The following CHN2 variants were observed in gnomAD, a reference collection of about 807,000 sequenced individuals.
CHN2 encodes the protein beta-chimaerin.
In CHN2, 35 loss-of-function variants were observed where a neutral mutation model predicts 56.3. That is an observed-to-expected ratio of 0.62 (90% CI 0.47 to 0.82). The LOEUF (loss-of-function observed/expected upper bound fraction) is 0.82, where lower values mean the gene tolerates loss of function less well. CHN2 is among the 40% of genes least tolerant of loss of function. The probability of loss-of-function intolerance (pLI) is 0.00; values close to 1 mark genes in which losing one functional copy is unlikely to be tolerated. For synonymous variants in CHN2, 210 were observed against 212.8 expected (o/e 0.99, Z 0.12); for missense variants, 491 against 580.5 (o/e 0.85, Z 1.58).
intron 1 of CHN2, among the ~76,000 whole-genome samples, chr7:29,198,580 G>A (rs1783919770): frequency 6.6e-6 from 1 of 152,030 alleles, no homozygotes; most frequent in African/African-American, 2.4e-5. Flanking sequence ...CACCTAGATT[G>A]GCAGGAAGCT....
intron 1 of CHN2, among the ~76,000 whole-genome samples, chr7:29,252,586 T>TTTTTTTTTTTTTTTG: frequency 3.5e-5 from 1 of 28,938 alleles, no homozygotes; most frequent in Non-Finnish European, 5.6e-5. Context: ...TTGTTTTTTT[T>TTTTTTTTTTTTTTTG]TTTTTTTTTT....
chr7:29,266,299 C>T (rs559381467), intron 1 of CHN2, among the ~76,000 whole-genome samples: 1 of 152,118 alleles, frequency 6.6e-6, no homozygotes, highest in Non-Finnish European at 1.5e-5. Flanking sequence ...TTCTTCATTC[C>T]GTCAACACCG....
At chr7:29,330,082 C>T (rs990253402) in intron 1 of CHN2, among the ~76,000 whole-genome samples, 1 of 152,228 alleles carries the variant, frequency 6.6e-6, no homozygotes, top group Non-Finnish European at 1.5e-5. Context: ...CCTACGTCAA[C>T]AGCTGGTCAG....
In CHN2 at chr7:29,169,756, A is replaced by T. The variant is rs529306935; in HGVS notation, c.274+22796A>T. On this transcript the variant is annotated intron_variant, in intron 2 of 6. Transcript: ENST00000439384. ...CCTCCCTTCTGACCACTGTTTGCTC[A>T]GTCAGAGCTGGTGTGCCTATAGACC... 5.2e-4 allele frequency among the ~76,000 whole-genome samples: 79 copies of T among 152,168 alleles called. No individual in the cohort carries two copies. The South Asian group carries it at 0.016, about 31-fold the overall frequency.
chr7:29,190,209 G>A (rs1229281510), upstream of CHN2, among the ~76,000 whole-genome samples: 1 of 152,216 alleles, frequency 6.6e-6, no homozygotes, highest in Non-Finnish European at 1.5e-5. Flanking sequence ...CAGCAAAAGA[G>A]CATTTTGATG....
intron 1 of CHN2, among the ~76,000 whole-genome samples, chr7:29,207,411 G>T (rs1442902019): frequency 6.6e-6 from 1 of 152,048 alleles, no homozygotes; most frequent in Non-Finnish European, 1.5e-5. Flanking sequence ...GGGCTGGTTA[G>T]TTCAGCCTCC....
intron 3 of CHN2, among the ~76,000 whole-genome samples, chr7:29,369,893 C>G (rs1250887831): frequency 6.6e-6 from 1 of 152,186 alleles, no homozygotes; most frequent in East Asian, 1.9e-4. Flanking sequence ...ACCTTTTGAC[C>G]TTACCAATTT....
chr7:29,462,109 A>T (rs76132929), intron 6 of CHN2, among the ~76,000 whole-genome samples: 1,787 of 152,350 alleles, frequency 0.012, 53 homozygotes, highest in Admixed American at 0.064. Flanking sequence ...CAGGAAGCCA[A>T]AATACAAATG....
At chr7:29,385,096 T>G (rs185414256) in intron 3 of CHN2, among the ~76,000 whole-genome samples, 2 of 152,328 alleles carry the variant, frequency 1.3e-5, no homozygotes, top group South Asian at 2.1e-4. Flanking sequence ...TCTGTTCCAT[T>G]TTGTATTCAT....
At chr7:29,378,478 T>C (rs965092615) in intron 3 of CHN2, among the ~76,000 whole-genome samples, 1 of 152,224 alleles carries the variant, frequency 6.6e-6, no homozygotes, top group East Asian at 1.9e-4. Context: ...GAGACTGTTT[T>C]GGTAAATAAA....
At chr7:29,205,560 T>C (rs190899764) in intron 1 of CHN2, among the ~76,000 whole-genome samples, 20 of 152,324 alleles carry the variant, frequency 1.3e-4, no homozygotes, top group African/African-American at 4.6e-4. Flanking sequence ...CACAGGTTCC[T>C]TTCCTGAGTG....
chr7:29,440,884 A>G (rs1228413006), intron 6 of CHN2, among the ~76,000 whole-genome samples: 1 of 152,034 alleles, frequency 6.6e-6, no homozygotes, highest in Non-Finnish European at 1.5e-5. Flanking sequence ...CCATTTTTTG[A>G]CTTGAAAGAT....
chr7:29,343,916 G>T (rs1048390961), intron 1 of CHN2, among the ~76,000 whole-genome samples: 1 of 152,154 alleles, frequency 6.6e-6, no homozygotes, highest in Admixed American at 6.5e-5. Flanking sequence ...CTCAGCCATC[G>T]CTTTCCAGCA....
chr7:29,373,902 C>T (rs898623406), intron 3 of CHN2, among the ~76,000 whole-genome samples: 6 of 152,086 alleles, frequency 3.9e-5, no homozygotes, highest in African/African-American at 1.4e-4. Context: ...CCCTTTTCTT[C>T]TTTTATTTAT....
intron 1 of CHN2, among the ~76,000 whole-genome samples, chr7:29,266,157 C>T (rs3793313): frequency 0.067 from 10,217 of 152,208 alleles, 544 homozygotes; most frequent in East Asian, 0.16. Flanking sequence ...AGTATGAGGG[C>T]GCCAAGAAGA....
intron 7 of CHN2, among the ~76,000 whole-genome samples, chr7:29,494,550 G>A (rs1248643304): frequency 6.6e-6 from 1 of 152,066 alleles, no homozygotes; most frequent in Admixed American, 6.5e-5. Flanking sequence ...CTGCATTCCT[G>A]TTAAAAAATG....
chr7:29,509,844 C>CAAAAAA (rs34925686), intron 12 of CHN2, among the ~76,000 whole-genome samples: 1 of 134,198 alleles, frequency 7.5e-6, no homozygotes, highest in Non-Finnish European at 1.6e-5. Context: ...GACTCCATCT[C>CAAAAAA]AAAAAAAAAA....
chr7:29,195,565 G>A (rs1394348923), intron 1 of CHN2: 3 of 148,568 alleles, frequency 2.0e-5, no homozygotes, highest in African/African-American at 7.5e-5. Flanking sequence ...AAGAGAGGTC[G>A]AGCCCATCCT....
At chr7:29,255,846 T>C (rs906618541) in intron 1 of CHN2, among the ~76,000 whole-genome samples, 6 of 152,164 alleles carry the variant, frequency 3.9e-5, no homozygotes, top group African/African-American at 1.2e-4. Flanking sequence ...ATACCTTCTG[T>C]AAGGACAGAA....
Sources: gnomAD v4.1 joint callset for allele counts (sites outside exome capture counted in the v4.1 genomes callset) on GRCh38, gnomAD v4.1.1 for gene constraint, MANE v1.5 for transcripts, NCBI Gene and HGNC (gene_info 2026-07-23, HGNC 2026-07-21) for gene names.